The following GRIA4 variants were observed in gnomAD, a reference collection of about 807,000 sequenced individuals.
The protein encoded by GRIA4 is glutamate ionotropic receptor AMPA type subunit 4, also known as glutamate receptor 4.
A neutral mutation model predicts 104.0 loss-of-function variants in GRIA4; 34 were observed. The observed-to-expected ratio is 0.33, with a 90% CI of 0.25 to 0.44. The LOEUF is 0.44. Ranked by LOEUF, GRIA4 falls within the 20% of genes least tolerant of loss-of-function variation. The probability of loss-of-function intolerance (pLI) is 1.00; values close to 1 mark genes in which losing one functional copy is unlikely to be tolerated. For missense variants in GRIA4, 750 were observed against 1,096.5 expected (o/e 0.68, Z 4.46); for synonymous variants, 386 against 381.9 (o/e 1.01, Z -0.13).
At chr11:105,655,441 A>G (rs1951815385) in intron 3 of GRIA4, among the ~76,000 whole-genome samples, 1 of 152,136 alleles carries the variant, frequency 6.6e-6, no homozygotes, top group African/African-American at 2.4e-5. Context: ...TGCACCCATC[A>G]GCCCATCATC....
chr11:105,932,124 T>G (rs1406134822), intron 13 of GRIA4, among the ~76,000 whole-genome samples: 1 of 151,830 alleles, frequency 6.6e-6, no homozygotes, highest in African/African-American at 2.4e-5. Context: ...CCAGACAAGA[T>G]TCAGGCTTTT....
chr11:105,871,634 T>C (rs1441475722), intron 5 of GRIA4, among the ~76,000 whole-genome samples: 3 of 151,860 alleles, frequency 2.0e-5, no homozygotes, highest in Non-Finnish European at 2.9e-5. Flanking sequence ...TGGTTGTCTA[T>C]TACATATTTG....
intron 3 of GRIA4, among the ~76,000 whole-genome samples, chr11:105,664,480 A>T (rs2135419976): frequency 6.6e-6 from 1 of 151,840 alleles, no homozygotes; most frequent in East Asian, 1.9e-4. Flanking sequence ...TATAAGCAGG[A>T]AAATGACATA....
chr11:105,974,708 T>A, intron 16 of GRIA4: 1 of 678,544 alleles, frequency 1.5e-6, no homozygotes, highest in Non-Finnish European at 2.4e-6. Context: ...TTTCTTTGGC[T>A]GCAGATGTAC....
chr11:105,932,952 A>G (rs1157622878), intron 13 of GRIA4, among the ~76,000 whole-genome samples: 1 of 152,158 alleles, frequency 6.6e-6, no homozygotes, highest in African/African-American at 2.4e-5. Flanking sequence ...TAAAAATAAA[A>G]TAACAGCCAG....
intron 3 of GRIA4, among the ~76,000 whole-genome samples, chr11:105,675,095 T>C (rs1322647335): frequency 2.6e-5 from 4 of 151,862 alleles, no homozygotes; most frequent in Admixed American, 6.6e-5. Context: ...AAAATTTTCA[T>C]TATAGCTGAG....
Position 105,679,495 on chromosome 11 carries a change from A to G in GRIA4, c.247+67061A>G, listed in dbSNP as rs192286636. ...TAACAAAGCCATACTTTGGCCTAAC[A>G]TAATACAATTATTCTGCGTACAATT... is the stretch of plus-strand genomic sequence containing the variant. On this transcript the variant is annotated intron_variant, in intron 3 of 16. Coordinates refer to ENST00000282499, the MANE Select transcript of GRIA4 (RefSeq NM_000829.4). Among the ~76,000 whole-genome samples the G allele has an allele frequency of 3.8e-3, 579 of 152,268 alleles. 7 individuals are homozygous for G. Among genetic ancestry groups the G allele is most frequent in the Middle Eastern group, 6.8e-3 (2 of 294 alleles).
At chr11:105,957,958 T>G in intron 14 of GRIA4, among the ~76,000 whole-genome samples, 2 of 152,224 alleles carry the variant, frequency 1.3e-5, no homozygotes, top group Non-Finnish European at 2.9e-5. Context: ...TGGACGTTGA[T>G]TTTGTATCCT....
chr11:105,863,002 T>A (rs549544468), intron 5 of GRIA4, among the ~76,000 whole-genome samples: 1 of 152,350 alleles, frequency 6.6e-6, no homozygotes, highest in Admixed American at 6.5e-5. Context: ...CTTGCTCATA[T>A]TATCTACAAT....
intron 5 of GRIA4, among the ~76,000 whole-genome samples, chr11:105,863,184 T>G (rs181270151): frequency 4.6e-5 from 7 of 152,180 alleles, no homozygotes; most frequent in African/African-American, 7.2e-5. Context: ...CCAAAATATA[T>G]TTCAGAGATT....
At chr11:105,810,038 A>G (rs1223378970) in intron 4 of GRIA4, among the ~76,000 whole-genome samples, 2 of 152,122 alleles carry the variant, frequency 1.3e-5, no homozygotes, top group Non-Finnish European at 2.9e-5. Context: ...ATTGATAACA[A>G]TTCATTGGTT....
At chr11:105,860,556 A>G (rs1945182851) in intron 4 of GRIA4, among the ~76,000 whole-genome samples, 1 of 152,224 alleles carries the variant, frequency 6.6e-6, no homozygotes, top group African/African-American at 2.4e-5. Flanking sequence ...TAAACCATAA[A>G]GTGAAAATAT....
At chr11:105,746,180 T>C (rs1939646717) in intron 3 of GRIA4, among the ~76,000 whole-genome samples, 1 of 152,024 alleles carries the variant, frequency 6.6e-6, no homozygotes, top group African/African-American at 2.4e-5. Context: ...TATAATATTA[T>C]TACAATATCC....
At chr11:105,712,644 C>T (rs1364814332) in intron 3 of GRIA4, among the ~76,000 whole-genome samples, 2 of 151,782 alleles carry the variant, frequency 1.3e-5, no homozygotes, top group Non-Finnish European at 2.9e-5. Flanking sequence ...GTTTCTTTTA[C>T]CATGCTTAGT....
At chr11:105,655,867 C>A (rs1055173493) in intron 3 of GRIA4, among the ~76,000 whole-genome samples, 6 of 152,172 alleles carry the variant, frequency 3.9e-5, no homozygotes, top group African/African-American at 1.4e-4. Context: ...ATTGCTGGGT[C>A]AAATGGTATT....
chr11:105,944,843 T>C (rs1368622713), intron 14 of GRIA4, among the ~76,000 whole-genome samples: 1 of 151,388 alleles, frequency 6.6e-6, no homozygotes, highest in Non-Finnish European at 1.5e-5. Context: ...AGAGACAAAT[T>C]AAGAAAAAAA....
intron 14 of GRIA4, among the ~76,000 whole-genome samples, chr11:105,960,465 G>A (rs1047336255): frequency 6.6e-6 from 1 of 152,204 alleles, no homozygotes. Context: ...CAAGTCTTGG[G>A]AGCAAGCTGT....
intron 4 of GRIA4, among the ~76,000 whole-genome samples, chr11:105,854,541 C>G (rs1043047517): frequency 1.3e-5 from 2 of 152,104 alleles, no homozygotes; most frequent in African/African-American, 4.8e-5. Context: ...TGAAGCTATG[C>G]TATGAGTAGT....
chr11:105,880,516 G>C (rs1946013280), intron 5 of GRIA4, among the ~76,000 whole-genome samples: 1 of 152,118 alleles, frequency 6.6e-6, no homozygotes, highest in African/African-American at 2.4e-5. Context: ...CACTCAGTTT[G>C]CTAATCAATA....
Sources: gnomAD v4.1 joint callset for allele counts (sites outside exome capture counted in the v4.1 genomes callset) on GRCh38, gnomAD v4.1.1 for gene constraint, MANE v1.5 for transcripts, NCBI Gene and HGNC (gene_info 2026-07-23, HGNC 2026-07-21) for gene names.